The following GPHN variants were observed in gnomAD, a reference collection of about 807,000 sequenced individuals.
GPHN encodes gephyrin.
Under a neutral mutation model 95.5 loss-of-function variants are expected in GPHN, and 17 were observed. That is an observed-to-expected ratio of 0.18 (90% CI 0.12 to 0.27). GPHN has a LOEUF of 0.27. Ranked by LOEUF, GPHN falls within the 10% of genes least tolerant of loss-of-function variation. The pLI is 1.00. For missense variants in GPHN, 660 were observed against 978.1 expected (o/e 0.67, Z 4.34); for synonymous variants, 320 against 322.5 (o/e 0.99, Z 0.08).
intron 1 of GPHN, among the ~76,000 whole-genome samples, chr14:66,589,643 C>G (rs148166296): frequency 0.013 from 2,017 of 152,142 alleles, 25 homozygotes; most frequent in Non-Finnish European, 0.018. Context: ...ATCCTAAATA[C>G]ATATGCACCC....
the GPHN span, chr14:67,303,584 T>G: frequency 1.2e-6 from 2 of 1,613,208 alleles, no homozygotes; most frequent in East Asian, 4.5e-5. Context: ...AGCCGCCTCC[T>G]GCCAAGGAAA....
chr14:67,548,397 ATT>A, the GPHN span, among the ~76,000 whole-genome samples: 1 of 152,164 alleles, frequency 6.6e-6, no homozygotes, highest in African/African-American at 2.4e-5. Context: ...CTTTGAGGGT[ATT>A]AATAAAAGAA....
At chr14:66,957,504 C>T (rs548043371) in intron 8 of GPHN, among the ~76,000 whole-genome samples, 1 of 152,100 alleles carries the variant, frequency 6.6e-6, no homozygotes, top group African/African-American at 2.4e-5. Flanking sequence ...TCCCAAATTT[C>T]TTTCTGTTAC....
chr14:67,208,316 G>T, the GPHN span: 1 of 1,613,930 alleles, frequency 6.2e-7, no homozygotes, highest in South Asian at 1.1e-5. Context: ...GACTTTTGAA[G>T]GTAAAAGATA....
intron 9 of GPHN, among the ~76,000 whole-genome samples, chr14:66,967,902 G>A (rs758040634): frequency 2.0e-4 from 31 of 151,784 alleles, no homozygotes; most frequent in Non-Finnish European, 3.7e-4. Flanking sequence ...GCTATGTGGA[G>A]GTTTTAGGAA....
intron 8 of GPHN, among the ~76,000 whole-genome samples, chr14:66,933,506 G>A (rs2066935290): frequency 6.6e-6 from 1 of 152,124 alleles, no homozygotes; most frequent in African/African-American, 2.4e-5. Context: ...TCCCTCAGCT[G>A]GTCACAATCT....
the GPHN span, among the ~76,000 whole-genome samples, chr14:67,247,943 A>G: frequency 6.6e-6 from 1 of 152,140 alleles, no homozygotes; most frequent in African/African-American, 2.4e-5. Context: ...TATTAGCTGT[A>G]GGTCATTTTG....
intron 4 of GPHN, among the ~76,000 whole-genome samples, chr14:66,839,383 G>C (rs1039365053): frequency 2.0e-5 from 3 of 152,130 alleles, no homozygotes; most frequent in African/African-American, 7.2e-5. Context: ...TTACCCCTCA[G>C]CTTCTTCACT....
the GPHN span, among the ~76,000 whole-genome samples, chr14:67,485,925 C>T: frequency 2.2e-4 from 33 of 152,212 alleles, no homozygotes; most frequent in Admixed American, 6.5e-5. Flanking sequence ...GCTCACAAAT[C>T]CCCCCACCTC....
At chr14:67,487,372 A>G in the GPHN span, among the ~76,000 whole-genome samples, 1 of 152,156 alleles carries the variant, frequency 6.6e-6, no homozygotes, top group Admixed American at 6.5e-5. Context: ...AAAGTCTGGG[A>G]TGGTCCTGGA....
At chr14:67,645,528 T>C in the GPHN span, 4 of 1,200,922 alleles carry the variant, frequency 3.3e-6, no homozygotes, top group Middle Eastern at 5.7e-4. Context: ...CCAGTCTCCA[T>C]CTAGGCCCTG....
At chr14:67,690,341 C>A in the GPHN span, 6 of 1,614,084 alleles carry the variant, frequency 3.7e-6, no homozygotes, top group South Asian at 1.1e-5. Context: ...AGGTGATGTG[C>A]GAGGGAAGAC....
chr14:66,999,338 G>T (rs747744801), intron 9 of GPHN, among the ~76,000 whole-genome samples: 1 of 151,826 alleles, frequency 6.6e-6, no homozygotes, highest in Non-Finnish European at 1.5e-5. Context: ...TGCTCAGGTT[G>T]ATTACATAGT....
Position 66,606,879 on chromosome 14 carries a change from T to C in GPHN, c.65-74228T>C, listed in dbSNP as rs75595187. Among the ~76,000 whole-genome samples the C allele has an allele frequency of 3.7e-3, 558 of 152,300 alleles. 12 individuals carry two copies. The highest frequency in any genetic ancestry group is 0.013 in the African/African-American group (532 of 41,582). On this transcript the variant is annotated intron_variant, in intron 1 of 22. Coordinates refer to ENST00000478722, the MANE Select transcript of GPHN (RefSeq NM_020806.5). Reference sequence around the variant, plus strand: ...AATGTTTTCTAGGTATGGAATCATATCATCACTGAAGAGAGGTAATATGAC... The same window carrying C: ...AATGTTTTCTAGGTATGGAATCATACCATCACTGAAGAGAGGTAATATGAC...
chr14:67,327,857 A>G, the GPHN span, among the ~76,000 whole-genome samples: 10 of 152,190 alleles, frequency 6.6e-5, no homozygotes, highest in Non-Finnish European at 1.0e-4. Flanking sequence ...CATGGTGTAT[A>G]TGTGCCACAT....
intron 9 of GPHN, among the ~76,000 whole-genome samples, chr14:66,979,056 T>G (rs2070467473): frequency 6.6e-6 from 1 of 152,228 alleles, no homozygotes; most frequent in Non-Finnish European, 1.5e-5. Flanking sequence ...TAAACCATGC[T>G]GCAAAAAGAT....
At chr14:67,387,415 T>C in the GPHN span, 2 of 1,610,350 alleles carry the variant, frequency 1.2e-6, no homozygotes, top group African/African-American at 2.7e-5. Flanking sequence ...TCATCCTTAG[T>C]AATCACTTTG....
intron 21 of GPHN, among the ~76,000 whole-genome samples, chr14:67,178,736 A>G (rs1392679128): frequency 6.6e-6 from 1 of 152,232 alleles, no homozygotes; most frequent in Non-Finnish European, 1.5e-5. Context: ...AGGAAGTTCA[A>G]AGGTCTCCAA....
chr14:66,610,947 C>A (rs141325093), intron 1 of GPHN, among the ~76,000 whole-genome samples: 1 of 152,002 alleles, frequency 6.6e-6, no homozygotes, highest in East Asian at 1.9e-4. Flanking sequence ...ATTAGATATC[C>A]AGGGTGATCA....
Sources: gnomAD v4.1 joint callset for allele counts (sites outside exome capture counted in the v4.1 genomes callset) on GRCh38, gnomAD v4.1.1 for gene constraint, MANE v1.5 for transcripts, NCBI Gene and HGNC (gene_info 2026-07-23, HGNC 2026-07-21) for gene names.